Variants in DOK6 observed in about 807,000 individuals in gnomAD.
DOK6 encodes the protein docking protein 6, also known as downstream of tyrosine kinase 6.
A neutral mutation model predicts 44.0 loss-of-function variants in DOK6; 22 were observed. That is an observed-to-expected ratio of 0.50 (90% CI 0.36 to 0.71). The LOEUF is 0.71. Ranked by LOEUF, DOK6 falls within the 30% of genes least tolerant of loss-of-function variation. The pLI, the probability that DOK6 is intolerant of heterozygous loss-of-function variation, is 0.00. For synonymous variants in DOK6, 166 were observed against 145.5 expected (o/e 1.14, Z -1.01); for missense variants, 340 against 416.4 (o/e 0.82, Z 1.60).
At chr18:69,644,066 G>C (rs1985010130) in intron 3 of DOK6, among the ~76,000 whole-genome samples, 1 of 151,880 alleles carries the variant, frequency 6.6e-6, no homozygotes, top group Non-Finnish European at 1.5e-5. Flanking sequence ...TCAAATGTCT[G>C]TTCACGTATT....
rs11659170 is a variant in DOK6 at position 69,401,353 on chromosome 18, G to C, written c.66+43G>C. 12,428 of 1,437,268 alleles carry C rather than the reference G, an allele frequency of 8.6e-3. 77 individuals carry two copies. Among genetic ancestry groups the C allele is most frequent in the Middle Eastern group, 0.017 (94 of 5,500 alleles). The allele number at this position is 1,437,268 out of a possible 1,614,324, so 89.0% of individuals were successfully genotyped here. On this transcript the variant is annotated intron_variant, in intron 1 of 7. Transcript: ENST00000382713. ...CTTGCTCCTTCCCCGGCGCTCGTTC[G>C]GCCCGGCTGGCTGCCTGGGGGGGGG...
chr18:69,571,976 T>C (rs1156458879), intron 2 of DOK6, among the ~76,000 whole-genome samples: 3 of 152,090 alleles, frequency 2.0e-5, no homozygotes, highest in African/African-American at 4.8e-5. Flanking sequence ...GTAGACCACG[T>C]TCAAGAATAT....
At chr18:69,611,500 AC>A (rs1984139303) in intron 3 of DOK6, among the ~76,000 whole-genome samples, 1 of 4,908 alleles carries the variant, frequency 2.0e-4, no homozygotes, top group Non-Finnish European at 4.4e-3. Context: ...ACACGTACAC[AC>A]ACACACACAC....
At chr18:69,560,842 G>A (rs570220017) in intron 1 of DOK6, among the ~76,000 whole-genome samples, 1 of 152,252 alleles carries the variant, frequency 6.6e-6, no homozygotes, top group South Asian at 2.1e-4. Context: ...CCAAAGTTAT[G>A]TGGCTCCAGC....
intron 7 of DOK6, among the ~76,000 whole-genome samples, chr18:69,827,828 C>G (rs150016873): frequency 1.3e-5 from 2 of 151,810 alleles, no homozygotes; most frequent in African/African-American, 2.4e-5. Flanking sequence ...GTATATATTG[C>G]GCAGAGAAGT....
rs559790661 is a variant in DOK6 at position 69,691,228 on chromosome 18, T to TAAAA, written c.410-7174_410-7171dup. On this transcript the variant is annotated intron_variant, in intron 4 of 7. Transcript: ENST00000382713. The stretch of plus-strand genomic sequence containing the variant: ...ATAAATAAATAAATAAATAAATAAA[T>TAAAA]AAAAATATAGAATTGGACTTTCTTG... 6.9e-3 allele frequency among the ~76,000 whole-genome samples: 1,004 copies of TAAAA among 144,492 alleles called. 13 individuals carry two copies. The highest frequency in any genetic ancestry group is 0.018 in the African/African-American group (713 of 39,014). 94.8% of individuals were successfully genotyped at this position (144,492 alleles called of 152,430 possible).
chr18:69,500,409 C>T lies in DOK6; in HGVS notation c.67-64078C>T, dbSNP rs1981014423. The stretch of plus-strand genomic sequence containing the variant: ...ATATGTCACCTTCTCAGTGAGGTCT[C>T]TCCTGGCCACCTCTCCATTATACTG... On this transcript the variant is annotated intron_variant, in intron 1 of 7. Coordinates refer to ENST00000382713, the MANE Select transcript of DOK6 (RefSeq NM_152721.6). 2.0e-5 allele frequency among the ~76,000 whole-genome samples: 3 copies of T among 152,240 alleles called. No individual in the cohort carries two copies. In the South Asian group the frequency reaches 6.2e-4, roughly 32 times the overall value.
At chr18:69,833,687 A>G (rs961206023) in intron 7 of DOK6, among the ~76,000 whole-genome samples, 1 of 152,192 alleles carries the variant, frequency 6.6e-6, no homozygotes, top group African/African-American at 2.4e-5. Context: ...TAACCAGAAT[A>G]TATAAATAAC....
At chr18:69,462,584 A>G (rs2122476610) in intron 1 of DOK6, among the ~76,000 whole-genome samples, 1 of 152,332 alleles carries the variant, frequency 6.6e-6, no homozygotes, top group Admixed American at 6.5e-5. Context: ...AAATGATAGA[A>G]AGCCCCTTTC....
chr18:69,558,854 AC>A (rs1982755486), intron 1 of DOK6, among the ~76,000 whole-genome samples: 1 of 152,148 alleles, frequency 6.6e-6, no homozygotes, highest in South Asian at 2.1e-4. Flanking sequence ...ATAGTATTTG[AC>A]CAATATGAGT....
chr18:69,411,567 T>A (rs1348703048), intron 1 of DOK6, among the ~76,000 whole-genome samples: 1 of 152,198 alleles, frequency 6.6e-6, no homozygotes, highest in Non-Finnish European at 1.5e-5. Context: ...GGCAGTCTTA[T>A]TTTTGCCATT....
At position 69,583,752 on chromosome 18, in the gene DOK6, C is replaced by CAAA. The variant is rs36222332; in HGVS notation, c.175-15613_175-15611dup. Among the ~76,000 whole-genome samples, 244 of 143,712 alleles carry CAAA rather than the reference C, an allele frequency of 1.7e-3. 3 individuals are homozygous for CAAA. The highest frequency in any genetic ancestry group is 5.0e-3 in the South Asian group (23 of 4,570). 94.3% of individuals were successfully genotyped at this position (143,712 alleles called of 152,430 possible). ...GCAACATAGTGAGATTCCATCCATA[C>CAAA]AAAAAAAAAAAAAAAAAAAAAGCGT... On this transcript the variant is annotated intron_variant, in intron 2 of 7. Transcript: ENST00000382713.
intron 3 of DOK6, among the ~76,000 whole-genome samples, chr18:69,635,555 G>A (rs1183198002): frequency 1.3e-5 from 2 of 152,142 alleles, no homozygotes; most frequent in Non-Finnish European, 2.9e-5. Context: ...CACACCCTCA[G>A]GACAGATTTT....
chr18:69,836,595 A>T (rs995122869), intron 7 of DOK6, among the ~76,000 whole-genome samples: 1 of 152,194 alleles, frequency 6.6e-6, no homozygotes, highest in African/African-American at 2.4e-5. Flanking sequence ...AGGTAAGAGG[A>T]CTTTTAAAAT....
chr18:69,724,878 G>A (rs561553110), intron 5 of DOK6: 18 of 152,188 alleles, frequency 1.2e-4, no homozygotes, highest in African/African-American at 2.7e-4. Flanking sequence ...TGCTACTGAC[G>A]AGTGCTGTCT....
At position 69,466,475 on chromosome 18, in the gene DOK6, G is replaced by A. The variant is rs186641885; in HGVS notation, c.66+65165G>A. Among the ~76,000 whole-genome samples, 42 of 152,176 alleles carry A rather than the reference G, an allele frequency of 2.8e-4. No homozygotes were observed. The East Asian group carries it at 8.1e-3, about 29-fold the overall frequency. On this transcript the variant is annotated intron_variant, in intron 1 of 7. Coordinates refer to ENST00000382713, the MANE Select transcript of DOK6 (RefSeq NM_152721.6). ...TTGTCAATAATGCTGCAGTGCATAT[G>A]AGAGTGCAGAGTTATCCCCGAGATA...
chr18:69,459,191 G>C (rs1403826601), intron 1 of DOK6, among the ~76,000 whole-genome samples: 1 of 11,068 alleles, frequency 9.0e-5, no homozygotes, highest in Non-Finnish European at 2.4e-4. Flanking sequence ...AATATTTTGT[G>C]TGTGTGTGTG....
chr18:69,559,670 C>T (rs1023117430), intron 1 of DOK6, among the ~76,000 whole-genome samples: 2 of 152,114 alleles, frequency 1.3e-5, no homozygotes, highest in African/African-American at 2.4e-5. Context: ...TCAGTTCCAG[C>T]TTCTGTAACA....
Position 69,443,622 on chromosome 18 carries a change from T to C in DOK6, c.66+42312T>C, listed in dbSNP as rs201199437. Among the ~76,000 whole-genome samples, 3 of 152,148 alleles carry C rather than the reference T, an allele frequency of 2.0e-5. No homozygotes were observed. The East Asian group carries it at 5.8e-4, about 29-fold the overall frequency. ...TGTGCTTGAGACAGTCTAAACTCCTTAGTGTGACTTCAAAACCATTCAGGA... is the reference window on the plus strand; with the variant it reads ...TGTGCTTGAGACAGTCTAAACTCCTCAGTGTGACTTCAAAACCATTCAGGA... On this transcript the variant is annotated intron_variant, in intron 1 of 7. Coordinates refer to ENST00000382713, the MANE Select transcript of DOK6 (RefSeq NM_152721.6).
Sources: gnomAD v4.1 joint callset for allele counts (sites outside exome capture counted in the v4.1 genomes callset) on GRCh38, gnomAD v4.1.1 for gene constraint, MANE v1.5 for transcripts, NCBI Gene and HGNC (gene_info 2026-07-23, HGNC 2026-07-21) for gene names.